The following ITCH variants were observed in gnomAD, a reference collection of about 807,000 sequenced individuals.
ITCH encodes the protein itchy E3 ubiquitin protein ligase.
Under a neutral mutation model 126.8 loss-of-function variants are expected in ITCH, and 28 were observed. The ratio of observed to expected loss-of-function variants is 0.22; its 90% CI spans 0.16 to 0.30. The LOEUF (loss-of-function observed/expected upper bound fraction) is 0.30. Among genes scored for constraint, ITCH ranks in the 10% least tolerant of loss-of-function variants. The pLI is 1.00. For synonymous variants in ITCH, 342 were observed against 340.0 expected (o/e 1.01, Z -0.06); for missense variants, 631 against 1,032.4 (o/e 0.61, Z 5.33).
In ITCH at chr20:34,411,947, T is replaced by C. The variant is rs182212739; in HGVS notation, c.213-568T>C. Among the ~76,000 whole-genome samples, 775 of 152,362 alleles carry C rather than the reference T, an allele frequency of 5.1e-3. 4 individuals carry two copies. The highest frequency in any genetic ancestry group is 9.0e-3 in the Non-Finnish European group (614 of 68,022). ...TTGCCTCTAGCAGTGTGAAACTTGA[T>C]GTATGTAATGTAATCTTCAAATCAT... On this transcript the variant is annotated intron_variant, in intron 4 of 24. Coordinates refer to ENST00000374864, the MANE Select transcript of ITCH (RefSeq NM_031483.7).
chr20:34,458,336 G>A (rs893819800), intron 13 of ITCH, among the ~76,000 whole-genome samples: 2 of 152,104 alleles, frequency 1.3e-5, no homozygotes, highest in African/African-American at 4.8e-5. Flanking sequence ...TTAATAAAGA[G>A]ATATATGTAC....
At chr20:34,386,095 G>GT (rs58468663) in intron 2 of ITCH, among the ~76,000 whole-genome samples, 8,358 of 144,592 alleles carry the variant, frequency 0.058, 422 homozygotes, top group South Asian at 0.27. Flanking sequence ...CGGCTCCTTT[G>GT]TTTTTTTTTT....
At chr20:34,405,716 T>A (rs1303379804) in intron 3 of ITCH, among the ~76,000 whole-genome samples, 1 of 152,208 alleles carries the variant, frequency 6.6e-6, no homozygotes, top group Admixed American at 6.5e-5. Context: ...TTTTATGTTT[T>A]TCTGTGTAAT....
At chr20:34,433,391 G>T (rs895612329) in intron 7 of ITCH, among the ~76,000 whole-genome samples, 4 of 152,082 alleles carry the variant, frequency 2.6e-5, no homozygotes, top group African/African-American at 9.7e-5. Context: ...AAAGAAATAA[G>T]AAATCCAGGC....
chr20:34,499,362 C>T (rs532491812), intron 23 of ITCH, among the ~76,000 whole-genome samples: 1 of 124,472 alleles, frequency 8.0e-6, no homozygotes, highest in East Asian at 2.7e-4. Context: ...CTTTTTATTA[C>T]AGATTCAGTC....
At chr20:34,438,767 C>A (rs910155380) in intron 8 of ITCH, 136 bp downstream of exon 8, 26 of 1,205,274 alleles carry the variant, frequency 2.2e-5, no homozygotes, top group Admixed American at 3.7e-5. Context: ...AAAGAATGAT[C>A]TTTCTGTAGG....
At chr20:34,446,524 C>T (rs1280978169) in intron 11 of ITCH, among the ~76,000 whole-genome samples, 1 of 152,166 alleles carries the variant, frequency 6.6e-6, no homozygotes, top group Non-Finnish European at 1.5e-5. Flanking sequence ...TTTCATATAA[C>T]AATTTTTTCC....
At chr20:34,380,960 G>A (rs2038037921) in intron 2 of ITCH, among the ~76,000 whole-genome samples, 1 of 151,504 alleles carries the variant, frequency 6.6e-6, no homozygotes, top group African/African-American at 2.4e-5. Context: ...GGTAATTTTT[G>A]TATTTTTAGT....
chr20:34,444,537 C>T (rs1366788101), intron 10 of ITCH, among the ~76,000 whole-genome samples: 1 of 152,014 alleles, frequency 6.6e-6, no homozygotes, highest in Non-Finnish European at 1.5e-5. Context: ...GAGCCAAGAT[C>T]GCGCCATTGC....
intron 2 of ITCH, among the ~76,000 whole-genome samples, chr20:34,373,929 G>C (rs537504297): frequency 1.6e-4 from 24 of 151,224 alleles, no homozygotes; most frequent in Middle Eastern, 3.4e-3. Context: ...TTTGTCGCCA[G>C]GCTGGAGTGC....
At chr20:34,429,641 A>G (rs962620064) in intron 7 of ITCH, among the ~76,000 whole-genome samples, 2 of 152,180 alleles carry the variant, frequency 1.3e-5, no homozygotes, top group Non-Finnish European at 2.9e-5. Flanking sequence ...ATAATTTTTC[A>G]TTATATAAGA....
intron 15 of ITCH, among the ~76,000 whole-genome samples, chr20:34,470,658 T>C (rs1307554175): frequency 1.3e-5 from 2 of 152,176 alleles, no homozygotes; most frequent in Non-Finnish European, 2.9e-5. Flanking sequence ...AGTGGTGCCA[T>C]CATGGCTTAC....
intron 1 of ITCH, among the ~76,000 whole-genome samples, chr20:34,364,843 A>G (rs1375236332): frequency 7.2e-6 from 1 of 139,822 alleles, no homozygotes; most frequent in East Asian, 2.1e-4. Flanking sequence ...GTGAGCCGAG[A>G]TCTCGCTGCT....
intron 14 of ITCH, among the ~76,000 whole-genome samples, chr20:34,468,179 C>T (rs1427492030): frequency 2.6e-5 from 4 of 151,558 alleles, no homozygotes; most frequent in African/African-American, 7.3e-5. Flanking sequence ...GGACTACAGA[C>T]GCCCGCCACC....
chr20:34,459,747 AC>A (rs1486681468), intron 13 of ITCH, among the ~76,000 whole-genome samples: 1 of 152,194 alleles, frequency 6.6e-6, no homozygotes, highest in Non-Finnish European at 1.5e-5. Context: ...AAAAACTAAA[AC>A]TAAAAATAAA....
intron 7 of ITCH, among the ~76,000 whole-genome samples, chr20:34,435,376 C>G (rs1329787473): frequency 6.6e-6 from 1 of 152,112 alleles, no homozygotes; most frequent in African/African-American, 2.4e-5. Flanking sequence ...GCCATATAAG[C>G]CAGGCTAGTC....
At chr20:34,487,903 C>T (rs1343587377) in intron 20 of ITCH, among the ~76,000 whole-genome samples, 1 of 152,122 alleles carries the variant, frequency 6.6e-6, no homozygotes, top group Non-Finnish European at 1.5e-5. Flanking sequence ...CACGCCATTG[C>T]GCTTCAGCCT....
At chr20:34,479,355 G>A (rs1259524175) in intron 17 of ITCH, among the ~76,000 whole-genome samples, 1 of 152,102 alleles carries the variant, frequency 6.6e-6, no homozygotes, top group Non-Finnish European at 1.5e-5. Context: ...GGTAAAATTG[G>A]AAAATACAAT....
At chr20:34,456,184 G>GTATATA (rs1326551793) in intron 12 of ITCH, among the ~76,000 whole-genome samples, 11 of 47,260 alleles carry the variant, frequency 2.3e-4, no homozygotes, top group Non-Finnish European at 3.3e-4. Flanking sequence ...GTGTGTGTGT[G>GTATATA]TATATATATA....
Sources: gnomAD v4.1 joint callset for allele counts (sites outside exome capture counted in the v4.1 genomes callset) on GRCh38, gnomAD v4.1.1 for gene constraint, MANE v1.5 for transcripts, NCBI Gene and HGNC (gene_info 2026-07-23, HGNC 2026-07-21) for gene names.